Variants in PTGER3 observed in about 807,000 individuals in gnomAD.
PTGER3 encodes the protein prostaglandin E2 receptor EP3 subtype.
A neutral mutation model predicts 34.7 loss-of-function variants in PTGER3; 22 were observed. The ratio of observed to expected loss-of-function variants is 0.63; its 90% CI spans 0.45 to 0.91. The LOEUF (loss-of-function observed/expected upper bound fraction) is 0.91, where lower values mean the gene tolerates loss of function less well. Ranked by LOEUF, PTGER3 falls within the 40% of genes least tolerant of loss-of-function variation. The pLI is 0.00. For missense variants in PTGER3, 468 were observed against 519.4 expected (o/e 0.90, Z 0.96); for synonymous variants, 241 against 230.1 (o/e 1.05, Z -0.43).
intron 2 of PTGER3, chr1:71,008,119 C>A (rs926798302): frequency 1.0e-6 from 1 of 980,386 alleles, no homozygotes; most frequent in Non-Finnish European, 1.2e-6. Context: ...CTGTTACTTT[C>A]TTTCTGTGAA....
chr1:70,957,656 G>T (rs527487752), intron 2 of PTGER3, among the ~76,000 whole-genome samples: 1 of 152,154 alleles, frequency 6.6e-6, no homozygotes, highest in Non-Finnish European at 1.5e-5. Flanking sequence ...TCAAATTGGA[G>T]TAGTTATCAT....
At chr1:70,920,840 A>C (rs1647451027) in intron 4 of PTGER3, among the ~76,000 whole-genome samples, 1 of 151,124 alleles carries the variant, frequency 6.6e-6, no homozygotes, top group Admixed American at 6.6e-5. Context: ...AAGGGCAAGA[A>C]GCACTAAAGA....
chr1:71,041,887 C>G (rs1288442687), intron 1 of PTGER3, among the ~76,000 whole-genome samples: 2 of 152,224 alleles, frequency 1.3e-5, no homozygotes, highest in African/African-American at 4.8e-5. Context: ...GAACCAAAAA[C>G]TGAAACTTAG....
chr1:70,908,057 G>A (rs1310999976), intron 4 of PTGER3, among the ~76,000 whole-genome samples: 1 of 152,166 alleles, frequency 6.6e-6, no homozygotes, highest in Non-Finnish European at 1.5e-5. Context: ...GCTTCCAATA[G>A]TCGGCACTTG....
chr1:71,030,449 A>G (rs1157712089), intron 1 of PTGER3, among the ~76,000 whole-genome samples: 1 of 152,234 alleles, frequency 6.6e-6, no homozygotes, highest in Non-Finnish European at 1.5e-5. Context: ...CCAAGCAAAA[A>G]GAATTCAATA....
downstream of PTGER3, among the ~76,000 whole-genome samples, chr1:70,969,291 C>T (rs980224442): frequency 5.3e-5 from 8 of 152,128 alleles, no homozygotes; most frequent in African/African-American, 1.4e-4. Flanking sequence ...GAAAGTTTAA[C>T]GTGAAATGAC....
chr1:70,972,047 G>T (rs980012689), intron 3 of PTGER3, among the ~76,000 whole-genome samples: 5 of 152,134 alleles, frequency 3.3e-5, no homozygotes, highest in Non-Finnish European at 7.3e-5. Flanking sequence ...ATCAAAGTAG[G>T]CCAGACGCGG....
chr1:70,922,860 A>G (rs1199221096), intron 4 of PTGER3, among the ~76,000 whole-genome samples: 1 of 152,216 alleles, frequency 6.6e-6, no homozygotes, highest in Non-Finnish European at 1.5e-5. Flanking sequence ...GTGAAAAATT[A>G]ATTGTAAAAG....
chr1:70,873,614 A>G (rs112655561), intron 4 of PTGER3, among the ~76,000 whole-genome samples: 1,808 of 151,146 alleles, frequency 0.012, 41 homozygotes, highest in African/African-American at 0.041. Context: ...GTGTTTGGTT[A>G]CATGAGTAAG....
chr1:71,016,721 T>C (rs1657934210), intron 1 of PTGER3, among the ~76,000 whole-genome samples: 1 of 151,572 alleles, frequency 6.6e-6, no homozygotes, highest in East Asian at 1.9e-4. Context: ...GAGAATCACT[T>C]GAACCTAGGA....
chr1:71,037,398 T>C (rs1216575251), intron 1 of PTGER3, among the ~76,000 whole-genome samples: 1 of 152,222 alleles, frequency 6.6e-6, no homozygotes, highest in African/African-American at 2.4e-5. Flanking sequence ...TAGCACTCTC[T>C]CGAGCAACGT....
downstream of PTGER3, among the ~76,000 whole-genome samples, chr1:70,966,820 G>A (rs911162286): frequency 1.3e-5 from 2 of 151,804 alleles, no homozygotes; most frequent in South Asian, 4.1e-4. Context: ...TGGTGTATAT[G>A]AACCACATTT....
At chr1:70,962,624 T>C (rs1050177861) in intron 2 of PTGER3, among the ~76,000 whole-genome samples, 1 of 152,148 alleles carries the variant, frequency 6.6e-6, no homozygotes, top group African/African-American at 2.4e-5. Context: ...AACTCGTCTT[T>C]ATAAAACCAT....
chr1:71,032,548 A>T (rs1185934769), intron 1 of PTGER3, among the ~76,000 whole-genome samples: 2 of 152,218 alleles, frequency 1.3e-5, no homozygotes, highest in Non-Finnish European at 2.9e-5. Flanking sequence ...CTAGCCAAAG[A>T]GCTGCAAAGC....
chr1:71,034,575 C>A (rs1472495328), intron 1 of PTGER3, among the ~76,000 whole-genome samples: 2 of 152,110 alleles, frequency 1.3e-5, no homozygotes, highest in East Asian at 1.9e-4. Flanking sequence ...AAAAATGTAA[C>A]CTCTTTGTGA....
At chr1:70,938,583 G>C (rs1044072099) in intron 4 of PTGER3, among the ~76,000 whole-genome samples, 1 of 152,076 alleles carries the variant, frequency 6.6e-6, no homozygotes, top group African/African-American at 2.4e-5. Flanking sequence ...GGGAAGAAAA[G>C]GTGGTCTAAT....
chr1:71,019,137 G>C (rs1658177749), intron 1 of PTGER3, among the ~76,000 whole-genome samples: 1 of 152,152 alleles, frequency 6.6e-6, no homozygotes, highest in Non-Finnish European at 1.5e-5. Context: ...CTTTCAGACT[G>C]TTTAGACTTT....
chr1:71,002,031 G>A (rs970150821), intron 2 of PTGER3: 2 of 152,170 alleles, frequency 1.3e-5, no homozygotes, highest in African/African-American at 4.8e-5. Flanking sequence ...TAAGACAGGA[G>A]GAATGCTTGA....
intron 3 of PTGER3, chr1:70,953,171 T>G (rs1325793720): frequency 1.1e-6 from 1 of 901,510 alleles, no homozygotes; most frequent in Non-Finnish European, 1.6e-6. Context: ...TATACAACAT[T>G]TACATTGTAT....
Sources: gnomAD v4.1 joint callset for allele counts (sites outside exome capture counted in the v4.1 genomes callset) on GRCh38, gnomAD v4.1.1 for gene constraint, MANE v1.5 for transcripts, NCBI Gene and HGNC (gene_info 2026-07-23, HGNC 2026-07-21) for gene names.